SLC24A2: variants seen among roughly 807,000 people sequenced by gnomAD.
SLC24A2 encodes sodium/potassium/calcium exchanger 2.
Under a neutral mutation model 62.0 loss-of-function variants are expected in SLC24A2, and 36 were observed. The observed-to-expected ratio is 0.58, with a 90% confidence interval of 0.44 to 0.77. SLC24A2 has a LOEUF of 0.77. Among genes scored for constraint, SLC24A2 ranks in the 30% least tolerant of loss-of-function variants. SLC24A2 has a pLI of 0.00. For missense variants in SLC24A2, 846 were observed against 817.9 expected (o/e 1.03, Z -0.42); for synonymous variants, 358 against 294.0 (o/e 1.22, Z -2.23).
At chr9:19,798,707 T>C in the SLC24A2 span, among the ~76,000 whole-genome samples, 2 of 152,160 alleles carry the variant, frequency 1.3e-5, no homozygotes, top group African/African-American at 4.8e-5. Flanking sequence ...CATAATTTTT[T>C]CACTTGCTTT....
the SLC24A2 span, among the ~76,000 whole-genome samples, chr9:20,045,711 G>C: frequency 6.6e-6 from 1 of 152,126 alleles, no homozygotes; most frequent in African/African-American, 2.4e-5. Flanking sequence ...AATTACAGGG[G>C]TGAGCCACTG....
chr9:19,867,140 T>G, the SLC24A2 span, among the ~76,000 whole-genome samples: 1 of 152,134 alleles, frequency 6.6e-6, no homozygotes, highest in African/African-American at 2.4e-5. Context: ...ATGTGACTAT[T>G]ATGCATTGCA....
At chr9:20,279,505 C>A in the SLC24A2 span, among the ~76,000 whole-genome samples, 2 of 151,726 alleles carry the variant, frequency 1.3e-5, no homozygotes, top group South Asian at 2.1e-4. Context: ...CACTCCAGCC[C>A]GAGCAACAAG....
intron 4 of SLC24A2, among the ~76,000 whole-genome samples, chr9:19,598,472 A>T (rs577267097): frequency 6.6e-6 from 1 of 152,332 alleles, no homozygotes; most frequent in African/African-American, 2.4e-5. Context: ...TTTCTATCTA[A>T]AATTGTTTTA....
chr9:19,773,956 C>G (rs778792714), intron 2 of SLC24A2, among the ~76,000 whole-genome samples: 1 of 152,168 alleles, frequency 6.6e-6, no homozygotes, highest in Non-Finnish European at 1.5e-5. Flanking sequence ...AAGGTCAAGT[C>G]CAAACACTGA....
rs1186719662 is a variant in SLC24A2 at position 19,507,551 on chromosome 9, GC to G, written c.*8601del. ...TATGAATTGATTATCAGTAGTAGAA[GC>G]ACAAAGGTATGGACAGTGAAACAAG... On this transcript the variant is annotated 3_prime_UTR_variant, in exon 11 of 11. Transcript: ENST00000341998. 1 of 152,164 alleles carries G rather than the reference GC, an allele frequency of 6.6e-6. No individual in the cohort carries two copies. Among genetic ancestry groups the G allele is most frequent in the Non-Finnish European group, 1.5e-5 (1 of 68,038 alleles). 9.4% of individuals were successfully genotyped at this position (152,164 alleles called of 1,614,324 possible).
chr9:20,102,458 C>G, the SLC24A2 span, among the ~76,000 whole-genome samples: 3 of 131,150 alleles, frequency 2.3e-5, no homozygotes, highest in East Asian at 6.6e-4. Context: ...CACATAGACA[C>G]AGGGAGGTGA....
chr9:20,208,218 C>T, the SLC24A2 span, among the ~76,000 whole-genome samples: 55 of 152,210 alleles, frequency 3.6e-4, no homozygotes, highest in East Asian at 3.9e-4. Flanking sequence ...AATGCTGAGA[C>T]GAGCATTCCA....
At chr9:20,303,374 C>T in the SLC24A2 span, among the ~76,000 whole-genome samples, 1 of 152,220 alleles carries the variant, frequency 6.6e-6, no homozygotes, top group African/African-American at 2.4e-5. Context: ...CCCTGTACTT[C>T]AGCCAAGATC....
At chr9:20,219,245 G>A in the SLC24A2 span, among the ~76,000 whole-genome samples, 1 of 152,138 alleles carries the variant, frequency 6.6e-6, no homozygotes, top group Non-Finnish European at 1.5e-5. Context: ...AGCTGAGGGA[G>A]GACTCACTCC....
chr9:19,602,584 A>G (rs773292892), intron 4 of SLC24A2, among the ~76,000 whole-genome samples: 2 of 152,226 alleles, frequency 1.3e-5, no homozygotes, highest in Non-Finnish European at 2.9e-5. Context: ...AAGAAATGAC[A>G]TAAAGATATT....
chr9:19,548,464 G>A (rs1834688588), intron 8 of SLC24A2, among the ~76,000 whole-genome samples: 1 of 152,162 alleles, frequency 6.6e-6, no homozygotes, highest in African/African-American at 2.4e-5. Flanking sequence ...GATGTTTCCT[G>A]AAATTACATA....
At chr9:19,922,034 C>G in the SLC24A2 span, among the ~76,000 whole-genome samples, 1 of 152,138 alleles carries the variant, frequency 6.6e-6, no homozygotes, top group Non-Finnish European at 1.5e-5. Flanking sequence ...CTTGATTCAT[C>G]TACTTCTGTT....
chr9:19,976,378 A>C, the SLC24A2 span, among the ~76,000 whole-genome samples: 1 of 152,208 alleles, frequency 6.6e-6, no homozygotes, highest in Non-Finnish European at 1.5e-5. Context: ...TATGATAGTG[A>C]ATGAGTTCTC....
chr9:20,233,299 T>C, the SLC24A2 span, among the ~76,000 whole-genome samples: 5 of 152,142 alleles, frequency 3.3e-5, no homozygotes, highest in African/African-American at 1.2e-4. Flanking sequence ...TTCTGTCTCG[T>C]TGATCTGTCT....
chr9:19,676,247 G>A (rs961624826), intron 2 of SLC24A2, among the ~76,000 whole-genome samples: 3 of 152,204 alleles, frequency 2.0e-5, no homozygotes, highest in African/African-American at 7.2e-5. Context: ...GCCTGCAGGA[G>A]CAATCTGCTT....
chr9:19,516,481 C>G (rs1377920606), intron 10 of SLC24A2, 79 bp from the exon 11 acceptor site: 4 of 1,470,076 alleles, frequency 2.7e-6, no homozygotes, highest in African/African-American at 2.8e-5. Context: ...GCAAATATAA[C>G]CTATTATTAC....
At chr9:19,863,411 C>T in the SLC24A2 span, among the ~76,000 whole-genome samples, 5 of 151,828 alleles carry the variant, frequency 3.3e-5, no homozygotes, top group Admixed American at 2.6e-4. Flanking sequence ...ATTTACAGAA[C>T]ATTTTATCCA....
the SLC24A2 span, among the ~76,000 whole-genome samples, chr9:20,228,320 C>G: frequency 6.6e-6 from 1 of 152,036 alleles, no homozygotes; most frequent in Non-Finnish European, 1.5e-5. Context: ...AAAACACAAG[C>G]TCTGTTCCAG....
Sources: gnomAD v4.1 joint callset for allele counts (sites outside exome capture counted in the v4.1 genomes callset) on GRCh38, gnomAD v4.1.1 for gene constraint, MANE v1.5 for transcripts, NCBI Gene and HGNC (gene_info 2026-07-23, HGNC 2026-07-21) for gene names.